B3GALT5: variants seen among roughly 807,000 people sequenced by gnomAD.
The protein encoded by B3GALT5 is UDP-Gal:betaGlcNAc beta 1,3-galactosyltransferase, polypeptide 5.
For missense variants in B3GALT5, 328 were observed against 396.6 expected, an observed-to-expected ratio of 0.83 and a Z score of 1.47; for synonymous variants, 156 against 158.6, an observed-to-expected ratio of 0.98 and a Z score of 0.12.
At chr21:39,645,853 C>T (rs1421102601) in intron 1 of B3GALT5, among the ~76,000 whole-genome samples, 4 of 151,948 alleles carry the variant, frequency 2.6e-5, no homozygotes, top group Non-Finnish European at 5.9e-5. Context: ...CGGGGCAGAT[C>T]GCTTTGTTAG....
At chr21:39,614,783 G>A (rs935901248) in intron 1 of B3GALT5, among the ~76,000 whole-genome samples, 36 of 152,130 alleles carry the variant, frequency 2.4e-4, no homozygotes, top group Non-Finnish European at 4.1e-4. Context: ...CCCAGTACTG[G>A]CATCCCAGGG....
intron 2 of B3GALT5, among the ~76,000 whole-genome samples, chr21:39,658,168 T>C (rs1475331492): frequency 6.6e-6 from 1 of 152,202 alleles, no homozygotes; most frequent in Admixed American, 6.5e-5. Flanking sequence ...CTGTGACTTC[T>C]GGTGGTAACT....
intron 1 of B3GALT5, among the ~76,000 whole-genome samples, chr21:39,642,922 T>C (rs532348378): frequency 7.3e-5 from 11 of 149,786 alleles, no homozygotes; most frequent in Middle Eastern, 3.5e-3. Context: ...CATGGTGGTG[T>C]GTGCCTTCGA....
chr21:39,626,928 A>G (rs2079167054), intron 1 of B3GALT5, among the ~76,000 whole-genome samples: 1 of 152,198 alleles, frequency 6.6e-6, no homozygotes, highest in African/African-American at 2.4e-5. Flanking sequence ...TCCAGCAGTC[A>G]TCATTTCTTA....
In B3GALT5 at chr21:39,630,844, A is replaced by G. The variant is rs963343853; in HGVS notation, c.-391-15548A>G. On this transcript the variant is annotated intron_variant, in intron 1 of 3. Coordinates refer to ENST00000684187, the MANE Select transcript of B3GALT5 (RefSeq NM_001356336.2). ...TTCCCCAGCAGCCTTCAGGCCTTTC[A>G]TCCCATCATTTCTCTCCTCTGATAA... is the stretch of plus-strand genomic sequence containing the variant. Among the ~76,000 whole-genome samples the G allele has an allele frequency of 5.9e-5, 9 of 152,138 alleles. No individual in the cohort carries two copies. The South Asian group carries it at 6.2e-4, about 10-fold the overall frequency.
intron 2 of B3GALT5, among the ~76,000 whole-genome samples, chr21:39,652,128 C>A (rs2079401489): frequency 6.6e-6 from 1 of 152,154 alleles, no homozygotes. Flanking sequence ...GTCCTTGTAG[C>A]AGCAGGTGCC....
At chr21:39,625,377 C>T (rs1001449421) in intron 1 of B3GALT5, among the ~76,000 whole-genome samples, 3 of 152,214 alleles carry the variant, frequency 2.0e-5, no homozygotes, top group East Asian at 3.8e-4. Context: ...CAACCCCACT[C>T]GGTCCATCTT....
At position 39,663,628 on chromosome 21, in the gene B3GALT5, T is replaced by C. The variant is rs1322510359; in HGVS notation, c.*2136T>C. ...AGTTGGGATTACAGGTGTGTATTTCTTTATACAATGAATAATTCTTTTTCT... is the reference window on the plus strand; with the variant it reads ...AGTTGGGATTACAGGTGTGTATTTCCTTATACAATGAATAATTCTTTTTCT... On this transcript the variant is annotated 3_prime_UTR_variant, in exon 4 of 4. Transcript: ENST00000684187. 2.6e-5 allele frequency: 4 copies of C among 152,296 alleles called. No individual in the cohort carries two copies. The East Asian group carries it at 7.7e-4, about 29-fold the overall frequency. 9.4% of individuals were successfully genotyped at this position (152,296 alleles called of 1,614,324 possible). A position where few individuals can be genotyped will look rare whatever the true frequency, so the allele number is the denominator to read the frequency against.
intron 1 of B3GALT5, among the ~76,000 whole-genome samples, chr21:39,645,473 A>T (rs983441468): frequency 1.3e-5 from 2 of 152,166 alleles, no homozygotes; most frequent in African/African-American, 4.8e-5. Flanking sequence ...GTAGGGGTTC[A>T]TGATGGATGC....
chr21:39,654,161 A>G (rs2146211318), intron 2 of B3GALT5, among the ~76,000 whole-genome samples: 1 of 152,342 alleles, frequency 6.6e-6, no homozygotes, highest in Non-Finnish European at 1.5e-5. Flanking sequence ...AGCTTTCCAA[A>G]GTGTGTTAAT....
chr21:39,634,572 G>A (rs1382761342), intron 1 of B3GALT5, among the ~76,000 whole-genome samples: 2 of 151,974 alleles, frequency 1.3e-5, no homozygotes, highest in African/African-American at 4.8e-5. Context: ...ATAAATGACG[G>A]TCTAGGTTGT....
rs370843790 is a variant in B3GALT5, at chr21:39,638,745, C to T, written c.-391-7647C>T. 1.5e-4 allele frequency among the ~76,000 whole-genome samples: 23 copies of T among 152,298 alleles called. 1 individual carries two copies. Among genetic ancestry groups the T allele is most frequent in the African/African-American group, 5.5e-4 (23 of 41,568 alleles). The stretch of plus-strand genomic sequence containing the variant: ...GGGCCGCAGCAGTAAACATTCACCC[C>T]TAGACACTGCCGTGGGGTCAGAGCC... On this transcript the variant is annotated intron_variant, in intron 1 of 3. Transcript: ENST00000684187.
At position 39,661,592 on chromosome 21, in the gene B3GALT5, C is replaced by A; in HGVS notation, c.*100C>A. Reference sequence around the variant, plus strand: ...GGGCGGGACAGAGGATGCTGTTCTTCAGTGCTGAAATCCACGCCAGAATGT... The same window carrying A: ...GGGCGGGACAGAGGATGCTGTTCTTAAGTGCTGAAATCCACGCCAGAATGT... On this transcript the variant is annotated 3_prime_UTR_variant, in exon 4 of 4. Coordinates refer to ENST00000684187, the MANE Select transcript of B3GALT5 (RefSeq NM_001356336.2). The surrounding 1 kb of genome is among the most constrained non-coding windows in gnomAD (Gnocchi z 4.7). 8.6e-7 allele frequency: 1 copy of A among 1,160,362 alleles called. No homozygotes were observed. The highest frequency in any genetic ancestry group is 1.2e-6 in the Non-Finnish European group (1 of 862,016). 71.9% of individuals were successfully genotyped at this position (1,160,362 alleles called of 1,614,324 possible).
intron 1 of B3GALT5, among the ~76,000 whole-genome samples, chr21:39,639,462 T>TTCTCTC (rs1555926237): frequency 2.3e-4 from 31 of 132,484 alleles, no homozygotes; most frequent in African/African-American, 7.7e-4. Context: ...CTTTTTTTCT[T>TTCTCTC]TCTCTCTCTC....
rs373479020 is a variant in B3GALT5 at position 39,661,467 on chromosome 21, G to C, written c.908G>C (p.Arg303Pro). 3.3e-6 allele frequency: 5 copies of C among 1,509,728 alleles called. No homozygotes were observed. Among genetic ancestry groups the C allele is most frequent in the Non-Finnish European group, 4.4e-6 (5 of 1,130,218 alleles). 93.5% of individuals were successfully genotyped at this position (1,509,728 alleles called of 1,614,324 possible). A position where few individuals can be genotyped will look rare whatever the true frequency, so the allele number is the denominator to read the frequency against. Residue 303 changes from arginine (R) to proline (P), a missense_variant, in exon 4 of 4, where the codon CGG becomes CCG. Physicochemically the swap from Arg to Pro is moderately radical, Grantham distance 103. Coordinates refer to ENST00000684187, the MANE Select transcript of B3GALT5 (RefSeq NM_001356336.2). The surrounding 1 kb of genome is among the most constrained non-coding windows in gnomAD (Gnocchi z 4.7). Reference sequence around the variant, plus strand: ...TACTGGCAGGCTCTAGAGAATTCCCGGGGGGAAGATTGTCCGCCTGTCTGA... The same window carrying C: ...TACTGGCAGGCTCTAGAGAATTCCCCGGGGGAAGATTGTCCGCCTGTCTGA... ...LDYWQALENS[R>P]GEDCPPV
rs940846887 is a variant in B3GALT5, at chr21:39,663,167, T to C, written c.*1675T>C. 6.6e-5 allele frequency: 10 copies of C among 152,370 alleles called. No homozygotes were observed. The highest frequency in any genetic ancestry group is 9.6e-5 in the African/African-American group (4 of 41,466). The allele number at this position is 152,370 out of a possible 1,614,324, so 9.4% of individuals were successfully genotyped here. ...CCATAGGATGGGCCGCCTCTCATTCTGAAGATGACTGTGCTTTGAGGGAGA... is the reference window on the plus strand; with the variant it reads ...CCATAGGATGGGCCGCCTCTCATTCCGAAGATGACTGTGCTTTGAGGGAGA... On this transcript the variant is annotated 3_prime_UTR_variant, in exon 4 of 4. Transcript: ENST00000684187.
chr21:39,630,372 G>C (rs967157257), intron 1 of B3GALT5: 2 of 152,100 alleles, frequency 1.3e-5, no homozygotes, highest in Non-Finnish European at 2.9e-5. Context: ...TTGGAGGGGG[G>C]TTTTCCAAGC....
intron 3 of B3GALT5, 140 bp from the exon 4 acceptor site, chr21:39,660,420 C>A: frequency 1.6e-6 from 1 of 607,382 alleles, no homozygotes; most frequent in Non-Finnish European, 2.6e-6. Flanking sequence ...TGTTTAACCA[C>A]ACAGCACCCG....
chr21:39,660,381 C>G (rs1569222090), intron 3 of B3GALT5, among the ~76,000 whole-genome samples, 179 bp from the exon 4 acceptor site: 3 of 152,208 alleles, frequency 2.0e-5, no homozygotes, highest in Non-Finnish European at 1.5e-5. Flanking sequence ...GTGACAGATG[C>G]TGGCAGATGT....
Sources: allele counts gnomAD v4.1 joint callset (sites outside exome capture counted in the v4.1 genomes callset), GRCh38; gene constraint gnomAD v4.1.1; non-coding constraint Gnocchi (gnomAD v3.1); transcripts MANE v1.5; gene names NCBI Gene and HGNC (gene_info 2026-07-23, HGNC 2026-07-21).